The following ATXN7 variants were observed in gnomAD, a reference collection of about 807,000 sequenced individuals.
The protein encoded by ATXN7 is ataxin-7.
ATXN7 carries 12 observed loss-of-function variants against 70.5 expected under a neutral mutation model. The ratio of observed to expected loss-of-function variants is 0.17; its 90% confidence interval spans 0.11 to 0.28. The LOEUF (loss-of-function observed/expected upper bound fraction) is 0.28, where lower values mean the gene tolerates loss of function less well. Ranked by LOEUF, ATXN7 falls within the 10% of genes least tolerant of loss-of-function variation. The pLI is 1.00. For missense variants in ATXN7, 1,256 were observed against 1,131.7 expected (o/e 1.11, Z -1.58); for synonymous variants, 498 against 448.7 (o/e 1.11, Z -1.39).
At chr3:63,966,757 G>A (rs2075230633) in intron 5 of ATXN7, among the ~76,000 whole-genome samples, 1 of 152,146 alleles carries the variant, frequency 6.6e-6, no homozygotes, top group African/African-American at 2.4e-5. Context: ...GCACCTTTCA[G>A]GCTAAATCAT....
chr3:63,865,894 C>CA (rs34205947), intron 1 of ATXN7, among the ~76,000 whole-genome samples: 2,521 of 16,510 alleles, frequency 0.15, 731 homozygotes, highest in East Asian at 0.26. Flanking sequence ...GACTCCATCT[C>CA]AAAAAAAAAA....
At position 63,999,463 on chromosome 3, in the gene ATXN7, C is replaced by G. The variant is rs1184374500; in HGVS notation, c.2675C>G (p.Pro892Arg). 1 of 1,613,850 alleles carries G rather than the reference C, an allele frequency of 6.2e-7. No homozygotes were observed. The highest frequency in any genetic ancestry group is 8.5e-7 in the Non-Finnish European group (1 of 1,179,948). Residue 892 changes from proline to arginine, a missense_variant, in exon 13 of 13, where the codon CCC (proline) becomes CGC (arginine). Pro to Arg is a moderately radical substitution (Grantham distance 103). Coordinates refer to ENST00000674280, the MANE Select transcript of ATXN7 (RefSeq NM_001377405.1). ...CTTTTTTGAAAGCCAAAGGCACGTC[C>G]CTGACAGCTGAAAATAGCACGGGGA... ...SSLLHQPKAR[P>R]
At chr3:63,915,606 C>T (rs1402919187) in intron 4 of ATXN7, among the ~76,000 whole-genome samples, 2 of 152,034 alleles carry the variant, frequency 1.3e-5, no homozygotes, top group Non-Finnish European at 2.9e-5. Context: ...CATACTGATT[C>T]CTCTTGTTAA....
chr3:63,973,162 A>G (rs1448907335), intron 5 of ATXN7, among the ~76,000 whole-genome samples: 1 of 152,208 alleles, frequency 6.6e-6, no homozygotes, highest in Middle Eastern at 3.2e-3. Flanking sequence ...ATATGAACCC[A>G]CATATCCCTG....
intron 2 of ATXN7, among the ~76,000 whole-genome samples, chr3:63,899,617 T>G (rs1009575931): frequency 2.0e-5 from 3 of 151,870 alleles, no homozygotes; most frequent in African/African-American, 7.3e-5. Context: ...TAGAAATTTT[T>G]TTTTTCTTTT....
chr3:63,895,849 T>C, intron 1 of ATXN7, among the ~76,000 whole-genome samples: 1 of 152,058 alleles, frequency 6.6e-6, no homozygotes, highest in Non-Finnish European at 1.5e-5. Context: ...AAACGGGAGA[T>C]AAGTGGCCTC....
chr3:63,863,820 C>CGGCGCA, upstream of ATXN7: 2 of 1,232,624 alleles, frequency 1.6e-6, no homozygotes, highest in Non-Finnish European at 2.0e-6. Flanking sequence ...GCGGCGGCGG[C>CGGCGCA]GGCGCAAGCT....
chr3:63,952,294 A>G, intron 4 of ATXN7, 85 bp from the exon 5 acceptor site: 1 of 919,896 alleles, frequency 1.1e-6, no homozygotes. Context: ...ACAATAAGGC[A>G]ACTCCTTTAG....
intron 2 of ATXN7, chr3:63,901,723 T>C (rs942443803): frequency 1.2e-4 from 19 of 152,252 alleles, no homozygotes; most frequent in African/African-American, 4.6e-4. Context: ...AGTTGTGAGC[T>C]ACCATATCTG....
intron 1 of ATXN7, among the ~76,000 whole-genome samples, chr3:63,886,031 A>T (rs1409574696): frequency 6.6e-6 from 1 of 152,154 alleles, no homozygotes; most frequent in Non-Finnish European, 1.5e-5. Flanking sequence ...AGAAAATGTG[A>T]TATCCAGTGT....
At chr3:63,938,558 G>A (rs1228031022) in intron 4 of ATXN7, among the ~76,000 whole-genome samples, 1 of 152,158 alleles carries the variant, frequency 6.6e-6, no homozygotes, top group African/African-American at 2.4e-5. Flanking sequence ...TGAGACCTAA[G>A]GAAAATGCAT....
At chr3:63,923,802 A>G (rs1018416468) in intron 4 of ATXN7, among the ~76,000 whole-genome samples, 2 of 152,030 alleles carry the variant, frequency 1.3e-5, no homozygotes. Context: ...CACAAAAAGT[A>G]AAAAAGAAAG....
rs1469659655 is a variant in ATXN7 at position 63,864,189 on chromosome 3, G to T, written c.-111+31G>T. On this transcript the variant is annotated intron_variant, in intron 1 of 12. Transcript: ENST00000674280. Reference sequence around the variant, plus strand: ...CTCGCCCGGACGCCGCCAGGGCTGCGGGGGTGCGGCGGGAGCTGCGGGCCG... The same window carrying T: ...CTCGCCCGGACGCCGCCAGGGCTGCTGGGGTGCGGCGGGAGCTGCGGGCCG... 3.3e-5 allele frequency among the ~76,000 whole-genome samples: 5 copies of T among 150,972 alleles called. No individual in the cohort carries two copies. In the Middle Eastern group the frequency reaches 0.01, roughly 312 times the overall value.
chr3:63,914,915 A>G (rs1450477738), intron 4 of ATXN7, among the ~76,000 whole-genome samples: 1 of 152,062 alleles, frequency 6.6e-6, no homozygotes, highest in African/African-American at 2.4e-5. Context: ...GGATCTTGTT[A>G]GTGTTTTGTT....
chr3:63,996,161 C>T lies in ATXN7; in HGVS notation c.2339C>T (p.Pro780Leu), dbSNP rs375419943. 6.2e-7 allele frequency: 1 copy of T among 1,614,170 alleles called. No individual in the cohort carries two copies. Among genetic ancestry groups the T allele is most frequent in the African/African-American group, 1.3e-5 (1 of 75,038 alleles). Reference protein sequence around the residue: ...VRHDQSGRGPPTGSPAESIKR... With the variant: ...VRHDQSGRGPLTGSPAESIKR... ...CATGACCAGTCAGGGAGGGGCCCCC[C>T]CACCGGGAGCCCTGCTGAATCCATC... Residue 780 changes from proline to leucine, a missense_variant, in exon 12 of 13, where the codon CCC becomes CTC. Physicochemically the swap from Pro to Leu is moderately conservative, Grantham distance 98. Transcript: ENST00000674280.
At chr3:63,899,296 A>C (rs1215922462) in intron 2 of ATXN7, among the ~76,000 whole-genome samples, 1 of 151,944 alleles carries the variant, frequency 6.6e-6, no homozygotes, top group Non-Finnish European at 1.5e-5. Flanking sequence ...CCCTGACCTC[A>C]AGTGATCCAC....
intron 1 of ATXN7, among the ~76,000 whole-genome samples, chr3:63,892,635 C>T (rs775215158): frequency 6.6e-6 from 1 of 152,170 alleles, no homozygotes; most frequent in Non-Finnish European, 1.5e-5. Context: ...AATGCCAGAG[C>T]AGCTCTTTAT....
intron 4 of ATXN7, among the ~76,000 whole-genome samples, chr3:63,931,523 G>A (rs1704960825): frequency 6.6e-6 from 1 of 152,140 alleles, no homozygotes; most frequent in Non-Finnish European, 1.5e-5. Context: ...GCTACAGAGA[G>A]CAAACTGAAG....
At chr3:63,975,842 T>C (rs1441469944) in intron 5 of ATXN7, among the ~76,000 whole-genome samples, 6 of 152,170 alleles carry the variant, frequency 3.9e-5, no homozygotes. Context: ...TCTGTCTCCC[T>C]CTCTTCTCCC....
Sources: allele counts gnomAD v4.1 joint callset (sites outside exome capture counted in the v4.1 genomes callset), GRCh38; gene constraint gnomAD v4.1.1; transcripts MANE v1.5; gene names NCBI Gene and HGNC (gene_info 2026-07-23, HGNC 2026-07-21).